Variants in MIS18A observed in about 807,000 individuals in gnomAD.
MIS18A encodes the protein MIS18 kinetochore protein A.
Under a neutral mutation model 25.0 loss-of-function variants are expected in MIS18A, and 14 were observed. That is an observed-to-expected ratio of 0.56 (90% CI 0.37 to 0.88). The LOEUF (loss-of-function observed/expected upper bound fraction) is 0.88. Among genes scored for constraint, MIS18A ranks in the 40% least tolerant of loss-of-function variants. The probability of loss-of-function intolerance (pLI) is 0.00; values close to 1 mark genes in which losing one functional copy is unlikely to be tolerated. For synonymous variants in MIS18A, 134 were observed against 118.6 expected (o/e 1.13, Z -0.84); for missense variants, 292 against 290.8 (o/e 1.00, Z -0.03).
chr21:32,240,759 C>T, the MIS18A span, among the ~76,000 whole-genome samples: 3 of 99,814 alleles, frequency 3.0e-5, no homozygotes, highest in Admixed American at 1.2e-4. Flanking sequence ...GACACTGACG[C>T]CCAAAAGATG....
the MIS18A span, among the ~76,000 whole-genome samples, chr21:32,202,435 T>C: frequency 6.6e-6 from 1 of 152,216 alleles, no homozygotes; most frequent in Non-Finnish European, 1.5e-5. Flanking sequence ...GTAAAACAAT[T>C]AGAAAATAGC....
the MIS18A span, among the ~76,000 whole-genome samples, chr21:32,199,282 T>TGGAAAA: frequency 6.6e-6 from 1 of 152,136 alleles, no homozygotes; most frequent in African/African-American, 2.4e-5. Context: ...CGTCGTGCTG[T>TGGAAAA]GGAAAAGGAT....
intron 2 of MIS18A, among the ~76,000 whole-genome samples, chr21:32,271,927 G>A (rs895527814): frequency 1.3e-5 from 2 of 152,166 alleles, no homozygotes; most frequent in African/African-American, 4.8e-5. Flanking sequence ...AGGACACTCA[G>A]AGAAACCAGA....
chr21:32,179,701 G>A, the MIS18A span, among the ~76,000 whole-genome samples: 3 of 152,296 alleles, frequency 2.0e-5, no homozygotes, highest in African/African-American at 7.2e-5. Context: ...TATTGAAAAG[G>A]AAATACAAGC....
At chr21:32,195,490 C>T in the MIS18A span, among the ~76,000 whole-genome samples, 4 of 152,214 alleles carry the variant, frequency 2.6e-5, no homozygotes, top group African/African-American at 4.8e-5. Context: ...GGCTGGTGCC[C>T]CATGCTAGCC....
chr21:32,221,831 G>A, the MIS18A span, among the ~76,000 whole-genome samples: 1 of 151,800 alleles, frequency 6.6e-6, no homozygotes, highest in South Asian at 2.1e-4. Context: ...GGTGGAGGTT[G>A]CAGTGAGCCA....
chr21:32,236,190 C>T, the MIS18A span, among the ~76,000 whole-genome samples: 22 of 149,304 alleles, frequency 1.5e-4, no homozygotes, highest in Middle Eastern at 3.4e-3. Flanking sequence ...CTGGCTAACA[C>T]GGTGAAACCC....
the MIS18A span, among the ~76,000 whole-genome samples, chr21:32,243,953 C>CA: frequency 3.3e-5 from 5 of 151,700 alleles, no homozygotes; most frequent in East Asian, 9.7e-4. Context: ...GACCCCGACT[C>CA]AAAAAAATAA....
chr21:32,206,551 A>G, the MIS18A span, among the ~76,000 whole-genome samples: 1 of 152,170 alleles, frequency 6.6e-6, no homozygotes, highest in African/African-American at 2.4e-5. Context: ...ACATCCTGTT[A>G]CACATAATAC....
the MIS18A span, among the ~76,000 whole-genome samples, chr21:32,255,317 G>A: frequency 6.6e-6 from 1 of 151,350 alleles, no homozygotes; most frequent in Admixed American, 6.6e-5. Flanking sequence ...TGCAACCTCC[G>A]CCTTCCGGGT....
chr21:32,173,905 G>A, the MIS18A span, among the ~76,000 whole-genome samples: 1 of 146,136 alleles, frequency 6.8e-6, no homozygotes, highest in Admixed American at 6.8e-5. Flanking sequence ...CTGTGAAGTA[G>A]TAAATTTTAC....
In MIS18A at chr21:32,278,711, G is replaced by T; in HGVS notation, c.304C>A (p.Gln102Lys). ...AGCAGGATGCAGTTGGTGTCCTCCT[G>T]GCTGGCCACCCAGCTCAGCGAGTCG... ...LGDSLSWVAS[Q>K]EDTNCILLRC... Residue 102 changes from glutamine (Q) to lysine (K), a missense_variant, in exon 1 of 5, where the codon CAG (glutamine) becomes AAG (lysine). Gln to Lys is a moderately conservative substitution (Grantham distance 53). Transcript: ENST00000290130. 1 of 1,576,884 alleles carries T rather than the reference G, an allele frequency of 6.3e-7. No homozygotes were observed. Among genetic ancestry groups the T allele is most frequent in the Admixed American group, 1.8e-5 (1 of 56,150 alleles).
rs750365220 is a variant in MIS18A, at chr21:32,270,532, G to GC, written c.402-4dup. On this transcript the variant is annotated splice_polypyrimidine_tract_variant and splice_region_variant and intron_variant, in intron 2 of 4. Coordinates refer to ENST00000290130, the MANE Select transcript of MIS18A (RefSeq NM_018944.3). Reference sequence around the variant, plus strand: ...CGCAGCACAAAGTCTCAAGGACGCTGCAATAAAGAAATGTCTTGCTTTAGG... The same window carrying GC: ...CGCAGCACAAAGTCTCAAGGACGCTGCCAATAAAGAAATGTCTTGCTTTAGG... The GC allele has an allele frequency of 1.0e-5, 16 of 1,536,530 alleles. 1 individual carries two copies. Among genetic ancestry groups the GC allele is most frequent in the Admixed American group, 6.7e-5 (3 of 45,070 alleles).
chr21:32,216,956 C>T, the MIS18A span, among the ~76,000 whole-genome samples: 1 of 152,182 alleles, frequency 6.6e-6, no homozygotes, highest in African/African-American at 2.4e-5. Context: ...AGAAAAATCA[C>T]TGAACAAACA....
At chr21:32,181,421 T>C in the MIS18A span, among the ~76,000 whole-genome samples, 9 of 152,172 alleles carry the variant, frequency 5.9e-5, no homozygotes, top group Admixed American at 5.2e-4. Flanking sequence ...GCTCTGTTGG[T>C]TCTGTTTCTC....
rs746096901 is a variant in MIS18A at position 32,278,720 on chromosome 21, C to A, written c.295G>T (p.Val99Leu). 2 of 1,580,218 alleles carry A rather than the reference C, an allele frequency of 1.3e-6. No homozygotes were observed. The highest frequency in any genetic ancestry group is 1.8e-5 in the Admixed American group (1 of 56,568). Residue 99 changes from valine (V) to leucine (L), a missense_variant, in exon 1 of 5, where the codon GTG becomes TTG. Val to Leu is a conservative substitution (Grantham distance 32). Transcript: ENST00000290130. ...CAGTTGGTGTCCTCCTGGCTGGCCA[C>A]CCAGCTCAGCGAGTCGCCCAGCGGC... ...RRPLGDSLSW[V>L]ASQEDTNCIL...
At chr21:32,186,034 T>C in the MIS18A span, among the ~76,000 whole-genome samples, 6 of 140,866 alleles carry the variant, frequency 4.3e-5, no homozygotes, top group African/African-American at 1.8e-4. Flanking sequence ...CAAGGTAAGC[T>C]CTGGGTGACT....
chr21:32,161,077 T>C, the MIS18A span, among the ~76,000 whole-genome samples: 1 of 152,230 alleles, frequency 6.6e-6, no homozygotes, highest in African/African-American at 2.4e-5. Flanking sequence ...CCCTTTAGCT[T>C]AGTGATTTTG....
At chr21:32,196,783 G>C in the MIS18A span, among the ~76,000 whole-genome samples, 2 of 152,092 alleles carry the variant, frequency 1.3e-5, no homozygotes, top group African/African-American at 4.8e-5. Flanking sequence ...AATTCCCTTA[G>C]AGATAGATTG....
Sources: allele counts gnomAD v4.1 joint callset (sites outside exome capture counted in the v4.1 genomes callset), GRCh38; gene constraint gnomAD v4.1.1; transcripts MANE v1.5; gene names NCBI Gene and HGNC (gene_info 2026-07-23, HGNC 2026-07-21).